POLQ: variants seen among roughly 807,000 people sequenced by gnomAD.
The protein encoded by POLQ is epididymis secretory sperm binding protein.
Under a neutral mutation model 259.2 loss-of-function variants are expected in POLQ, and 233 were observed. That is an observed-to-expected ratio of 0.90 (90% CI 0.81 to 1.00). The LOEUF is 1.00. Among genes scored for constraint, POLQ ranks in the 50% least tolerant of loss-of-function variants. The pLI is 0.00. For synonymous variants in POLQ, 1,025 were observed against 1,048.8 expected, an observed-to-expected ratio of 0.98 and a Z score of 0.44; for missense variants, 2,871 against 3,051.6, an observed-to-expected ratio of 0.94 and a Z score of 1.39.
At chr3:121,502,331 G>A (rs1183253170) in intron 12 of POLQ, among the ~76,000 whole-genome samples, 1 of 152,148 alleles carries the variant, frequency 6.6e-6, no homozygotes, top group African/African-American at 2.4e-5. Context: ...AGCCTCCTGA[G>A]TAGCTAGAAT....
Position 121,502,375 on chromosome 3 carries a change from T to C in POLQ, c.1960-3705A>G, listed in dbSNP as rs1236418960. ...TGCACCACCACACCCAGCTCATTTT[T>C]GTATTTTTAGTAAAGATGGGGCCTC... On this transcript the variant is annotated intron_variant, in intron 12 of 29. Transcript: ENST00000264233. Among the ~76,000 whole-genome samples the C allele has an allele frequency of 2.0e-5, 3 of 152,166 alleles. No individual in the cohort carries two copies. The East Asian group carries it at 5.8e-4, about 29-fold the overall frequency.
chr3:121,472,181 A>C lies in POLQ; in HGVS notation c.6544-17T>G, dbSNP rs761402043. ...TAAAACGTCCTGCCAAAAAAATATA[A>C]GGTAAGATTGAATTCTTGTCCAAAT... On this transcript the variant is annotated splice_polypyrimidine_tract_variant and intron_variant, in intron 21 of 29. Coordinates refer to ENST00000264233, the MANE Select transcript of POLQ (RefSeq NM_199420.4). The C allele has an allele frequency of 9.2e-6, 12 of 1,298,356 alleles. No individual in the cohort carries two copies. In the East Asian group the frequency reaches 2.7e-4, roughly 29 times the overall value. The allele number at this position is 1,298,356 out of a possible 1,614,324, so 80.4% of individuals were successfully genotyped here.
chr3:121,460,829 A>G (rs1258934298), intron 24 of POLQ, among the ~76,000 whole-genome samples: 1 of 152,242 alleles, frequency 6.6e-6, no homozygotes, highest in Non-Finnish European at 1.5e-5. Flanking sequence ...CCTATAGATT[A>G]GAAATGGGTG....
chr3:121,487,603 T>C lies in POLQ; in HGVS notation c.5328A>G (p.Ser1776=), dbSNP rs1481740091. 1 of 1,614,046 alleles carries C rather than the reference T, an allele frequency of 6.2e-7. No individual in the cohort carries two copies. The highest frequency in any genetic ancestry group is 1.1e-5 in the South Asian group (1 of 91,076). Residue 1776 remains serine, a synonymous_variant, in exon 16 of 30, where the codon TCA becomes TCG. Transcript: ENST00000264233. ...AATCGTGGTTTTTAATATCTGAAGG[T>C]GAGCCAAATAAATAACTTTCACCAG... ...LQPGESYLFG[S]PSDIKNHDLS...
At chr3:121,448,420 T>G (rs1576399808) in intron 26 of POLQ, among the ~76,000 whole-genome samples, 1 of 151,936 alleles carries the variant, frequency 6.6e-6, no homozygotes, top group East Asian at 1.9e-4. Flanking sequence ...CAGGCTGGAG[T>G]GCAATGGCGT....
At chr3:121,458,462 C>T (rs2047761863) in intron 25 of POLQ, among the ~76,000 whole-genome samples, 2 of 152,178 alleles carry the variant, frequency 1.3e-5, no homozygotes, top group South Asian at 4.1e-4. Context: ...TGAATTTATT[C>T]TTGGTCTACC....
In POLQ at chr3:121,488,131, C is replaced by G; in HGVS notation, c.4800G>C (p.Glu1600Asp). 6.2e-7 allele frequency: 1 copy of G among 1,612,574 alleles called. No individual in the cohort carries two copies. The highest frequency in any genetic ancestry group is 8.5e-7 in the Non-Finnish European group (1 of 1,179,092). ...ALELSDPVLD[E>D]HHQGDQDGGD... ...CTCCATCTTGATCACCTTGGTGGTG[C>G]TCATCAAGTACTGGATCACTTAGTT... Residue 1600 changes from glutamate (E) to aspartate (D), a missense_variant, in exon 16 of 30, where the codon GAG (glutamate) becomes GAC (aspartate). Physicochemically the swap from Glu to Asp is conservative, Grantham distance 45. Coordinates refer to ENST00000264233, the MANE Select transcript of POLQ (RefSeq NM_199420.4).
chr3:121,521,071 G>C (rs2048332751), intron 8 of POLQ, among the ~76,000 whole-genome samples: 1 of 152,062 alleles, frequency 6.6e-6, no homozygotes, highest in Admixed American at 6.6e-5. Context: ...TGTAAATTCT[G>C]TGTGTGTGTA....
intron 10 of POLQ, among the ~76,000 whole-genome samples, chr3:121,511,038 T>C (rs928919682): frequency 6.6e-6 from 1 of 151,862 alleles, no homozygotes; most frequent in African/African-American, 2.4e-5. Context: ...CCTTCCTGGC[T>C]AACACGGTGA....
intron 24 of POLQ, among the ~76,000 whole-genome samples, chr3:121,466,046 G>A (rs1230129986): frequency 6.6e-6 from 1 of 152,132 alleles, no homozygotes; most frequent in Admixed American, 6.5e-5. Context: ...GTTCTTGAAG[G>A]AAATTAAAAG....
chr3:121,436,368 G>T, intron 27 of POLQ, 93 bp from the exon 28 acceptor site: 1 of 1,246,592 alleles, frequency 8.0e-7, no homozygotes, highest in Non-Finnish European at 1.1e-6. Flanking sequence ...CACATTTGCA[G>T]CCAGACTGGA....
In POLQ at chr3:121,432,217, C is replaced by G; in HGVS notation, c.*87G>C. On this transcript the variant is annotated 3_prime_UTR_variant, in exon 30 of 30. Transcript: ENST00000264233. ...TATCAAGACTTGAAAGTTTGTTTTG[C>G]TGAGGTAGGTGAAAGGGTAATCTCT... The G allele has an allele frequency of 8.0e-7, 1 of 1,243,448 alleles. No individual in the cohort carries two copies. Among genetic ancestry groups the G allele is most frequent in the Non-Finnish European group, 1.1e-6 (1 of 915,136 alleles). The allele number at this position is 1,243,448 out of a possible 1,614,324, so 77.0% of individuals were successfully genotyped here. A position where few individuals can be genotyped will look rare whatever the true frequency, so the allele number is the denominator to read the frequency against.
chr3:121,501,991 A>C (rs1000447934), intron 12 of POLQ, among the ~76,000 whole-genome samples: 1 of 136,320 alleles, frequency 7.3e-6, no homozygotes, highest in Non-Finnish European at 1.6e-5. Flanking sequence ...CTCTGTCTCC[A>C]AAAAAAAAAA....
intron 25 of POLQ, among the ~76,000 whole-genome samples, chr3:121,450,046 G>A (rs189140612): frequency 2.6e-5 from 4 of 152,240 alleles, no homozygotes; most frequent in South Asian, 2.1e-4. Flanking sequence ...AAGGACGGCC[G>A]GGGTTCAAAG....
intron 5 of POLQ, among the ~76,000 whole-genome samples, chr3:121,536,228 A>G (rs1014565770): frequency 3.9e-5 from 6 of 152,356 alleles, no homozygotes; most frequent in African/African-American, 1.2e-4. Context: ...AAATCATAAC[A>G]TAACTATATT....
rs751990739 is a variant in POLQ, at chr3:121,490,043, CTACTT to C, written c.2883_2887del (p.Ser962ArgfsTer7). 6.3e-7 allele frequency: 1 copy of C among 1,574,940 alleles called. No individual in the cohort carries two copies. The highest frequency in any genetic ancestry group is 2.2e-5 in the East Asian group (1 of 44,708). ...ACAATTAAAGGAACTTGTATGCTCT[CTACTT>C]TTATTTAAGTCTTGCACTATATTTG... On this transcript the variant is annotated frameshift_variant, in exon 16 of 30. Coordinates refer to ENST00000264233, the MANE Select transcript of POLQ (RefSeq NM_199420.4). LOFTEE classifies it high-confidence loss of function.
chr3:121,459,386 T>TG (rs2047771691), intron 25 of POLQ, among the ~76,000 whole-genome samples: 1 of 144,520 alleles, frequency 6.9e-6, no homozygotes. Flanking sequence ...TTTTTTTTTT[T>TG]TTTTTTGTTT....
intron 25 of POLQ, among the ~76,000 whole-genome samples, chr3:121,457,865 C>T (rs2047755697): frequency 6.6e-6 from 1 of 152,104 alleles, no homozygotes; most frequent in Non-Finnish European, 1.5e-5. Flanking sequence ...TACCATTTGA[C>T]CCAGCCATCC....
At chr3:121,467,497 T>G in intron 24 of POLQ, 22 bp downstream of exon 24, 5 of 1,611,744 alleles carry the variant, frequency 3.1e-6, no homozygotes, top group Non-Finnish European at 4.2e-6. Context: ...ATGAGAAGCT[T>G]CAAAGCTATC....
Sources: gnomAD v4.1 joint callset for allele counts (sites outside exome capture counted in the v4.1 genomes callset) on GRCh38, gnomAD v4.1.1 for gene constraint, MANE v1.5 for transcripts, NCBI Gene and HGNC (gene_info 2026-07-23, HGNC 2026-07-21) for gene names.